STK40: variants seen among roughly 807,000 people sequenced by gnomAD.
STK40 encodes serine/threonine-protein kinase 40.
A neutral mutation model predicts 47.9 loss-of-function variants in STK40; 13 were observed. That is an observed-to-expected ratio of 0.27 (90% CI 0.18 to 0.43). The LOEUF (loss-of-function observed/expected upper bound fraction) is 0.43, where lower values mean the gene tolerates loss of function less well. Among genes scored for constraint, STK40 ranks in the 20% least tolerant of loss-of-function variants. The pLI, the probability that STK40 is intolerant of heterozygous loss-of-function variation, is 1.00. For synonymous variants in STK40, 225 were observed against 243.2 expected (o/e 0.93, Z 0.69); for missense variants, 460 against 595.1 (o/e 0.77, Z 2.36).
intron 7 of STK40, among the ~76,000 whole-genome samples, chr1:36,345,899 G>A (rs1051407862): frequency 6.8e-6 from 1 of 148,144 alleles, no homozygotes; most frequent in Non-Finnish European, 1.5e-5. Flanking sequence ...TTTGGCTTCT[G>A]AGGGGACACT....
chr1:36,343,786 CTG>C, intron 9 of STK40, 72 bp downstream of exon 9: 1 of 1,510,878 alleles, frequency 6.6e-7, no homozygotes, highest in Non-Finnish European at 8.9e-7. Context: ...TGACTACTGG[CTG>C]CTTTTCTGGG....
At chr1:36,343,172 C>A (rs1359258273) in intron 10 of STK40, 192 bp downstream of exon 10, 3 of 731,372 alleles carry the variant, frequency 4.1e-6, no homozygotes, top group East Asian at 5.4e-5. Flanking sequence ...TCCAGCTACA[C>A]CAAGCCCAAG....
chr1:36,347,208 C>T lies in STK40; in HGVS notation c.739+1492G>A, dbSNP rs552942687. 7.8e-4 allele frequency among the ~76,000 whole-genome samples: 119 copies of T among 152,232 alleles called. 1 individual carries two copies. The highest frequency in any genetic ancestry group is 2.6e-3 in the African/African-American group (110 of 41,538). On this transcript the variant is annotated intron_variant, in intron 7 of 10. Coordinates refer to ENST00000373132, the MANE Select transcript of STK40 (RefSeq NM_001282547.2). ...CCAGGATGTGTGTGAAGAGCTGGGACGAGGCTGGCTCGGCCACTGCACGGA... is the reference window on the plus strand; with the variant it reads ...CCAGGATGTGTGTGAAGAGCTGGGATGAGGCTGGCTCGGCCACTGCACGGA...
At chr1:36,355,543 G>A in intron 4 of STK40, 110 bp from the exon 5 acceptor site, 1 of 1,185,760 alleles carries the variant, frequency 8.4e-7, no homozygotes, top group Non-Finnish European at 1.2e-6. Flanking sequence ...AGGGAGCCTG[G>A]AATTAGCCTG....
chr1:36,364,707 C>T (rs1248859662), intron 1 of STK40, among the ~76,000 whole-genome samples: 2 of 151,688 alleles, frequency 1.3e-5, no homozygotes, highest in Non-Finnish European at 2.9e-5. Flanking sequence ...GCCTGTAATC[C>T]CAGCACTTTG....
In STK40 at chr1:36,354,328, G is replaced by A. The variant is rs1211597286; in HGVS notation, c.623+36C>T. ...GCAATGTGTAGCCTGCCCCAGCCCC[G>A]GGGTAACTGTATGGATGTAGAGACA... On this transcript the variant is annotated intron_variant, in intron 6 of 10. Coordinates refer to ENST00000373132, the MANE Select transcript of STK40 (RefSeq NM_001282547.2). 6.8e-6 allele frequency: 11 copies of A among 1,611,664 alleles called. No individual in the cohort carries two copies. The South Asian group carries it at 9.9e-5, about 14-fold the overall frequency.
intron 2 of STK40, among the ~76,000 whole-genome samples, chr1:36,360,286 C>T (rs933312192): frequency 2.0e-5 from 3 of 152,214 alleles, no homozygotes; most frequent in African/African-American, 7.2e-5. Flanking sequence ...GTAAAACTCA[C>T]GCCCAGTCTC....
intron 1 of STK40, among the ~76,000 whole-genome samples, chr1:36,384,189 C>G (rs1279693115): frequency 6.6e-6 from 1 of 152,072 alleles, no homozygotes; most frequent in Non-Finnish European, 1.5e-5. Context: ...GCCACCATGC[C>G]CAGCTAATTT....
chr1:36,361,781 A>G (rs1289500534), intron 1 of STK40, among the ~76,000 whole-genome samples: 1 of 151,972 alleles, frequency 6.6e-6, no homozygotes, highest in African/African-American at 2.4e-5. Flanking sequence ...AAATACCTAC[A>G]GCCTAATGAC....
At chr1:36,382,706 A>G (rs1372286067) in intron 1 of STK40, among the ~76,000 whole-genome samples, 1 of 152,182 alleles carries the variant, frequency 6.6e-6, no homozygotes, top group East Asian at 1.9e-4. Flanking sequence ...GTTGCCATGA[A>G]TTGCTGCAAC....
chr1:36,377,942 G>T (rs1328938714), intron 1 of STK40, among the ~76,000 whole-genome samples: 1 of 152,226 alleles, frequency 6.6e-6, no homozygotes, highest in Non-Finnish European at 1.5e-5. Flanking sequence ...TGTGTCTCAT[G>T]ACTACCTTAA....
At chr1:36,348,288 A>T (rs1371456466) in intron 7 of STK40, among the ~76,000 whole-genome samples, 2 of 152,228 alleles carry the variant, frequency 1.3e-5, no homozygotes, top group Non-Finnish European at 2.9e-5. Flanking sequence ...CCCTTGAACC[A>T]GGCTCACTTT....
At chr1:36,373,003 A>G (rs1247274398) in intron 1 of STK40, among the ~76,000 whole-genome samples, 4 of 152,208 alleles carry the variant, frequency 2.6e-5, no homozygotes, top group African/African-American at 9.6e-5. Context: ...CAAGGGTTTC[A>G]AGCCATGGAC....
At chr1:36,345,430 T>C (rs1350623339) in intron 7 of STK40, among the ~76,000 whole-genome samples, 2 of 152,144 alleles carry the variant, frequency 1.3e-5, no homozygotes, top group African/African-American at 4.8e-5. Flanking sequence ...AGAGGGCTGT[T>C]GTGGGGAATA....
At chr1:36,371,056 T>C (rs1646941822) in intron 1 of STK40, among the ~76,000 whole-genome samples, 2 of 151,812 alleles carry the variant, frequency 1.3e-5, no homozygotes, top group Admixed American at 1.3e-4. Flanking sequence ...TTTGTATTTT[T>C]AGTAGAGATA....
At chr1:36,374,319 G>A (rs1646974099) in intron 1 of STK40, among the ~76,000 whole-genome samples, 2 of 152,262 alleles carry the variant, frequency 1.3e-5, no homozygotes, top group South Asian at 4.1e-4. Flanking sequence ...CCAAGGGGGT[G>A]CATCCCAGAG....
At chr1:36,345,991 A>ATATATATATATATTTTTTTTTTTTT in intron 7 of STK40, among the ~76,000 whole-genome samples, 1 of 26,468 alleles carries the variant, frequency 3.8e-5, no homozygotes, top group African/African-American at 1.4e-4. Context: ...ATATATATAT[A>ATATATATATATATTTTTTTTTTTTT]TTTTTTTTTT....
intron 7 of STK40, 129 bp from the exon 8 acceptor site, chr1:36,344,393 T>C: frequency 8.0e-7 from 1 of 1,248,218 alleles, no homozygotes. Flanking sequence ...TCCTCTGAGC[T>C]CCTGCCCGTG....
intron 6 of STK40, among the ~76,000 whole-genome samples, chr1:36,350,846 C>T (rs1281010886): frequency 6.6e-6 from 1 of 152,226 alleles, no homozygotes; most frequent in Non-Finnish European, 1.5e-5. Flanking sequence ...ACAGCTGAGG[C>T]TCTGCAGGGC....
Sources: gnomAD v4.1 joint callset for allele counts (sites outside exome capture counted in the v4.1 genomes callset) on GRCh38, gnomAD v4.1.1 for gene constraint, MANE v1.5 for transcripts, NCBI Gene and HGNC (gene_info 2026-07-23, HGNC 2026-07-21) for gene names.